The following ZIM2 variants were observed in gnomAD, a reference collection of about 807,000 sequenced individuals.
ZIM2 encodes the protein zinc finger protein 656.
A neutral mutation model predicts 38.6 loss-of-function variants in ZIM2; 14 were observed. That is an observed-to-expected ratio of 0.36 (90% CI 0.24 to 0.57). The LOEUF (loss-of-function observed/expected upper bound fraction) is 0.57, where lower values mean the gene tolerates loss of function less well. Ranked by LOEUF, ZIM2 falls within the 20% of genes least tolerant of loss-of-function variation. ZIM2 has a pLI of 0.81. For missense variants in ZIM2, 680 were observed against 695.1 expected (o/e 0.98, Z 0.24); for synonymous variants, 247 against 245.8 (o/e 1.00, Z -0.04).
chr19:56,815,899 T>C (rs750731373), intron 9 of ZIM2: 10 of 1,612,560 alleles, frequency 6.2e-6, no homozygotes, highest in South Asian at 4.4e-5. Context: ...TTCATTTCCA[T>C]TGTGACTTCT....
In ZIM2 at chr19:56,814,348, G is replaced by A; in HGVS notation, c.490+3398C>T. Reference sequence around the variant, plus strand: ...TTCCTGGGCTGCTGCTGCTGCAGCTGCTGCTGCTTCATCTTCTTCTTCTTC... The same window carrying A: ...TTCCTGGGCTGCTGCTGCTGCAGCTACTGCTGCTTCATCTTCTTCTTCTTC... On this transcript the variant is annotated intron_variant, in intron 9 of 12. Transcript: ENST00000629319. This position sits in a 1 kb window ranked among gnomAD's most constrained non-coding sequence, Gnocchi z 5.8. 7 of 1,613,828 alleles carry A rather than the reference G, an allele frequency of 4.3e-6. No homozygotes were observed. The highest frequency in any genetic ancestry group is 5.1e-6 in the Non-Finnish European group (6 of 1,179,746).
chr19:56,822,851 C>T lies in ZIM2; in HGVS notation c.107-15G>A. ...GTCCCGGTCACCTAAGCAGGTGAGA[C>T]ATTCCAGTGGTTAACAAAGCTCTTT... On this transcript the variant is annotated splice_polypyrimidine_tract_variant and intron_variant, in intron 5 of 12. Coordinates refer to ENST00000629319, the MANE Select transcript of ZIM2 (RefSeq NM_001387356.1). The T allele has an allele frequency of 6.2e-7, 1 of 1,611,144 alleles. No individual in the cohort carries two copies. The highest frequency in any genetic ancestry group is 8.5e-7 in the Non-Finnish European group (1 of 1,178,742).
chr19:56,794,571 T>TAAAAGTTAA (rs1362756242), intron 9 of ZIM2, among the ~76,000 whole-genome samples: 2 of 152,268 alleles, frequency 1.3e-5, no homozygotes, highest in Non-Finnish European at 2.9e-5. Context: ...AAACTGTTTT[T>TAAAAGTTAA]AAAAGTTCTT....
At chr19:56,781,079 T>A (rs1200145213) in intron 11 of ZIM2, among the ~76,000 whole-genome samples, 1 of 152,206 alleles carries the variant, frequency 6.6e-6, no homozygotes, top group Non-Finnish European at 1.5e-5. Context: ...TTCCCTCTAT[T>A]TTAAGTCATA....
intron 9 of ZIM2, chr19:56,817,161 G>T (rs908154377): frequency 6.2e-7 from 1 of 1,614,060 alleles, no homozygotes; most frequent in Non-Finnish European, 8.5e-7. Flanking sequence ...GGCTGCTCAC[G>T]CTCATGGCTT....
At chr19:56,781,756 A>G (rs910008276) in intron 11 of ZIM2, among the ~76,000 whole-genome samples, 197 bp downstream of exon 11, 1 of 152,216 alleles carries the variant, frequency 6.6e-6, no homozygotes, top group African/African-American at 2.4e-5. Flanking sequence ...TGCCTGACAC[A>G]TATGTCGTGC....
rs182961814 is a variant in ZIM2, at chr19:56,824,563, C to T, written c.-150-136G>A. 97 of 1,614,102 alleles carry T rather than the reference C, an allele frequency of 6.0e-5. No individual in the cohort carries two copies. In the South Asian group the frequency reaches 6.3e-4, roughly 10 times the overall value. ...TTGGACCTTCTCCTATGATGACATC[C>T]GGCTCCTTAGTCAAGTCACTGTCTA... is the stretch of plus-strand genomic sequence containing the variant. On this transcript the variant is annotated intron_variant, in intron 3 of 12. Coordinates refer to ENST00000629319, the MANE Select transcript of ZIM2 (RefSeq NM_001387356.1).
rs2060203221 is a variant in ZIM2 at position 56,818,679 on chromosome 19, C to T, written c.318G>A (p.Val106=). 6.2e-7 allele frequency: 1 copy of T among 1,614,152 alleles called. No individual in the cohort carries two copies. The highest frequency in any genetic ancestry group is 1.1e-5 in the South Asian group (1 of 91,076). ...RSQDAESYQN[V]VDLAEDRKPH... Reference sequence around the variant, plus strand: ...GTTTCCTGTCCTCAGCGAGGTCCACCACATTTTGGTATGATTCAGCATCCT... The same window carrying T: ...GTTTCCTGTCCTCAGCGAGGTCCACTACATTTTGGTATGATTCAGCATCCT... Residue 106 remains valine (V), a synonymous_variant, in exon 8 of 13, where the codon GTG becomes GTA. Coordinates refer to ENST00000629319, the MANE Select transcript of ZIM2 (RefSeq NM_001387356.1).
intron 12 of ZIM2, among the ~76,000 whole-genome samples, chr19:56,777,594 T>A (rs1317469304): frequency 1.3e-5 from 2 of 152,178 alleles, no homozygotes. Context: ...TGGTCTACAT[T>A]TTTGCTGTCC....
At chr19:56,792,945 AG>A (rs1489365008) in intron 9 of ZIM2, 1 of 152,702 alleles carries the variant, frequency 6.5e-6, no homozygotes, top group African/African-American at 2.4e-5. Flanking sequence ...ATTACGTGCC[AG>A]GCATACAGCA....
intron 9 of ZIM2, chr19:56,815,504 G>C (rs768254699): frequency 1.9e-6 from 3 of 1,614,154 alleles, no homozygotes; most frequent in Non-Finnish European, 8.5e-7. Flanking sequence ...TCAGAGCTAT[G>C]AGCAAAGCAC....
intron 9 of ZIM2, chr19:56,815,397 A>T: frequency 1.2e-6 from 2 of 1,614,114 alleles, no homozygotes; most frequent in South Asian, 2.2e-5. Flanking sequence ...AACTTGTTTG[A>T]GGGTCAGTAG....
intron 9 of ZIM2, chr19:56,791,025 T>C (rs113381695): frequency 3.9e-5 from 6 of 152,204 alleles, no homozygotes; most frequent in African/African-American, 1.4e-4. Flanking sequence ...AAACCCTTCA[T>C]TAATCTGTTT....
chr19:56,822,495 AG>A (rs1016520032), intron 6 of ZIM2: 40 of 329,656 alleles, frequency 1.2e-4, no homozygotes, highest in Middle Eastern at 1.5e-3. Flanking sequence ...AGAAACTTCC[AG>A]TTTTTTTTTT....
chr19:56,816,312 C>G, intron 9 of ZIM2: 1 of 1,614,136 alleles, frequency 6.2e-7, no homozygotes, highest in East Asian at 2.2e-5. Context: ...CAAAGAGGTT[C>G]TTTCGAGAAT....
At chr19:56,815,836 T>C (rs1236900556) in intron 9 of ZIM2, 3 of 1,613,748 alleles carry the variant, frequency 1.9e-6, no homozygotes, top group East Asian at 2.2e-5. Context: ...TCGCTTATCA[T>C]TAAGGTCTGA....
intron 9 of ZIM2, chr19:56,792,944 C>T (rs1170519804): frequency 1.3e-5 from 2 of 152,654 alleles, no homozygotes; most frequent in African/African-American, 2.4e-5. Flanking sequence ...TATTACGTGC[C>T]AGGCATACAG....
In ZIM2 at chr19:56,830,090, A is replaced by C. The variant is rs184965782; in HGVS notation, c.-226-3627T>G. Among the ~76,000 whole-genome samples, 7 of 152,378 alleles carry C rather than the reference A, an allele frequency of 4.6e-5. No individual in the cohort carries two copies. The South Asian group carries it at 1.4e-3, about 32-fold the overall frequency. On this transcript the variant is annotated intron_variant, in intron 2 of 12. Coordinates refer to ENST00000629319, the MANE Select transcript of ZIM2 (RefSeq NM_001387356.1). ...GCTTATTAATCAGAGCTGTGCTTGA[A>C]GATGTATGAATCCAACAGAACAACA...
intron 6 of ZIM2, 94 bp downstream of exon 6, chr19:56,822,659 G>T: frequency 6.6e-7 from 1 of 1,515,818 alleles, no homozygotes. Context: ...AAATGGAGCA[G>T]CAGAAACTTC....
Sources: allele counts gnomAD v4.1 joint callset (sites outside exome capture counted in the v4.1 genomes callset), GRCh38; gene constraint gnomAD v4.1.1; non-coding constraint Gnocchi (gnomAD v3.1); transcripts MANE v1.5; gene names NCBI Gene and HGNC (gene_info 2026-07-23, HGNC 2026-07-21).